The following CDH18 variants were observed in gnomAD, a reference collection of about 807,000 sequenced individuals.
The protein encoded by CDH18 is cadherin 18, also known as cadherin-18.
Under a neutral mutation model 67.9 loss-of-function variants are expected in CDH18, and 31 were observed. The ratio of observed to expected loss-of-function variants is 0.46; its 90% CI spans 0.34 to 0.62. The LOEUF (loss-of-function observed/expected upper bound fraction) is 0.62, where lower values mean the gene tolerates loss of function less well. Ranked by LOEUF, CDH18 falls within the 20% of genes least tolerant of loss-of-function variation. The pLI is 0.01. For missense variants in CDH18, 890 were observed against 975.5 expected (o/e 0.91, Z 1.17); for synonymous variants, 362 against 347.2 (o/e 1.04, Z -0.48).
chr5:19,766,103 TC>T (rs1252169397), intron 3 of CDH18, among the ~76,000 whole-genome samples: 3 of 152,126 alleles, frequency 2.0e-5, no homozygotes, highest in African/African-American at 7.2e-5. Context: ...GGTCTCAAAC[TC>T]CTGACCTCAG....
chr5:20,452,464 G>A (rs1750524513), intron 1 of CDH18, among the ~76,000 whole-genome samples: 1 of 152,112 alleles, frequency 6.6e-6, no homozygotes, highest in Non-Finnish European at 1.5e-5. Flanking sequence ...TCAGGAACAT[G>A]ATGGAGTTTG....
chr5:19,557,794 C>T (rs751071059), intron 8 of CDH18, among the ~76,000 whole-genome samples: 2 of 152,028 alleles, frequency 1.3e-5, no homozygotes, highest in Non-Finnish European at 2.9e-5. Context: ...AACAAATGGA[C>T]TTAACAGATC....
chr5:19,960,599 ATATACACACACG>A lies in CDH18; in HGVS notation c.-257+20449_-257+20460del, dbSNP rs1262208125. Among the ~76,000 whole-genome samples, 7 of 136,492 alleles carry A rather than the reference ATATACACACACG, an allele frequency of 5.1e-5. No individual in the cohort carries two copies. The East Asian group carries it at 1.4e-3, about 28-fold the overall frequency. The allele number at this position is 136,492 out of a possible 152,430, so 89.5% of individuals were successfully genotyped here. A position where few individuals can be genotyped will look rare whatever the true frequency, so the allele number is the denominator to read the frequency against. On this transcript the variant is annotated intron_variant, in intron 2 of 12. Coordinates refer to ENST00000382275, the MANE Select transcript of CDH18 (RefSeq NM_004934.5). The stretch of plus-strand genomic sequence containing the variant: ...TGTGTGTGTGTGTGTGTATATATAT[ATATACACACACG>A]TGTATATATATACACGTGTATATGT...
At chr5:19,954,852 G>GAAAA (rs201885867) in intron 2 of CDH18, among the ~76,000 whole-genome samples, 1 of 144,402 alleles carries the variant, frequency 6.9e-6, no homozygotes, top group African/African-American at 2.5e-5. Context: ...ACAATCTCAG[G>GAAAA]AAAAAAAAAA....
intron 2 of CDH18, among the ~76,000 whole-genome samples, chr5:20,234,612 T>C (rs1373252964): frequency 6.6e-6 from 1 of 152,096 alleles, no homozygotes; most frequent in Non-Finnish European, 1.5e-5. Context: ...TCCAGGTTCC[T>C]GAACTGTGAA....
intron 3 of CDH18, among the ~76,000 whole-genome samples, chr5:19,817,312 T>G (rs1779396255): frequency 6.6e-6 from 1 of 151,972 alleles, no homozygotes; most frequent in African/African-American, 2.4e-5. Context: ...GAGGCTCTAG[T>G]GATAGCTATC....
At chr5:20,025,787 T>C (rs1340376318) in intron 2 of CDH18, among the ~76,000 whole-genome samples, 1 of 152,218 alleles carries the variant, frequency 6.6e-6, no homozygotes, top group Non-Finnish European at 1.5e-5. Context: ...TTAGTGCCAA[T>C]TCAAAATTAT....
intron 2 of CDH18, among the ~76,000 whole-genome samples, chr5:20,167,093 CTT>C (rs1452144688): frequency 6.6e-6 from 1 of 151,968 alleles, no homozygotes; most frequent in Non-Finnish European, 1.5e-5. Context: ...ATAAAAGTCT[CTT>C]TTAACAATCT....
At chr5:19,720,474 T>G (rs917408035) in intron 5 of CDH18, among the ~76,000 whole-genome samples, 3 of 152,180 alleles carry the variant, frequency 2.0e-5, no homozygotes, top group African/African-American at 7.2e-5. Flanking sequence ...GATTTGTTAC[T>G]GAACACTTGT....
At chr5:19,729,744 A>G (rs930703978) in intron 4 of CDH18, among the ~76,000 whole-genome samples, 3 of 152,212 alleles carry the variant, frequency 2.0e-5, no homozygotes, top group Non-Finnish European at 4.4e-5. Flanking sequence ...AGTTGTACAG[A>G]GTAAATGGCT....
At chr5:20,503,441 C>G (rs1754460675) in intron 1 of CDH18, among the ~76,000 whole-genome samples, 1 of 152,194 alleles carries the variant, frequency 6.6e-6, no homozygotes, top group South Asian at 2.1e-4. Context: ...GAATTAATCC[C>G]TATGAGTTAT....
At chr5:20,184,657 T>C (rs1434566105) in intron 2 of CDH18, among the ~76,000 whole-genome samples, 1 of 152,134 alleles carries the variant, frequency 6.6e-6, no homozygotes, top group Non-Finnish European at 1.5e-5. Flanking sequence ...TGTGTATTGT[T>C]TTATGTCTTC....
At chr5:19,571,235 A>G (rs763372419) in intron 8 of CDH18, among the ~76,000 whole-genome samples, 10 of 152,196 alleles carry the variant, frequency 6.6e-5, no homozygotes, top group African/African-American at 9.6e-5. Flanking sequence ...GCTTTGTACT[A>G]TATCTATACT....
intron 9 of CDH18, among the ~76,000 whole-genome samples, chr5:19,538,788 C>T (rs577647379): frequency 6.6e-6 from 1 of 152,056 alleles, no homozygotes; most frequent in African/African-American, 2.4e-5. Flanking sequence ...ACTGCAATGC[C>T]TCACCTGCCC....
chr5:20,542,523 A>G (rs1433252365), intron 1 of CDH18, among the ~76,000 whole-genome samples: 1 of 151,624 alleles, frequency 6.6e-6, no homozygotes, highest in Non-Finnish European at 1.5e-5. Flanking sequence ...GTATGCATAT[A>G]TATGCTATAT....
chr5:19,823,488 C>T (rs754774748), intron 3 of CDH18, among the ~76,000 whole-genome samples: 9 of 152,174 alleles, frequency 5.9e-5, no homozygotes, highest in South Asian at 4.1e-4. Context: ...TCCCTCCGTT[C>T]GGGGTCCCTA....
At chr5:19,854,523 C>G (rs1406858214) in intron 2 of CDH18, among the ~76,000 whole-genome samples, 1 of 152,002 alleles carries the variant, frequency 6.6e-6, no homozygotes, top group Admixed American at 6.6e-5. Context: ...TTTAATCATA[C>G]TCATGGAAAA....
chr5:19,840,610 G>C (rs1407513175), intron 2 of CDH18, among the ~76,000 whole-genome samples: 1 of 152,104 alleles, frequency 6.6e-6, no homozygotes, highest in Admixed American at 6.6e-5. Flanking sequence ...ACTGAGGCAG[G>C]AGAATCGCTT....
At position 19,653,471 on chromosome 5, in the gene CDH18, A is replaced by G. The variant is rs377695667; in HGVS notation, c.644-40870T>C. 5.0e-4 allele frequency among the ~76,000 whole-genome samples: 76 copies of G among 152,084 alleles called. 1 individual carries two copies. The East Asian group carries it at 0.011, about 21-fold the overall frequency. The stretch of plus-strand genomic sequence containing the variant: ...CCTTGCTGAATCTTTCTCAGGTACC[A>G]TTTTTGTGGATTCTGACATTCCCCA... On this transcript the variant is annotated intron_variant, in intron 5 of 12. Transcript: ENST00000382275.
Sources: gnomAD v4.1 joint callset for allele counts (sites outside exome capture counted in the v4.1 genomes callset) on GRCh38, gnomAD v4.1.1 for gene constraint, MANE v1.5 for transcripts, NCBI Gene and HGNC (gene_info 2026-07-23, HGNC 2026-07-21) for gene names.